The following MISFA variants were observed in gnomAD, a reference collection of about 807,000 sequenced individuals.
The protein encoded by MISFA is mitochondrial sheath formation-associated protein.
chr11:18,603,207 T>G, the MISFA span: 21 of 398,972 alleles, frequency 5.3e-5, no homozygotes, highest in East Asian at 7.5e-4. Flanking sequence ...TAAGTGTACC[T>G]TCAACTTTGT....
chr11:18,602,411 A>G, the MISFA span: 1 of 152,734 alleles, frequency 6.5e-6, no homozygotes, highest in East Asian at 1.9e-4. Context: ...ATTTCTGTGA[A>G]TGCATTAGCC....
chr11:18,600,811 C>T, the MISFA span, among the ~76,000 whole-genome samples: 19 of 152,232 alleles, frequency 1.2e-4, no homozygotes, highest in East Asian at 2.5e-3. Context: ...TGAGCCACTG[C>T]GCCCGGCCAG....
chr11:18,605,171 T>G, the MISFA span, among the ~76,000 whole-genome samples: 1 of 149,986 alleles, frequency 6.7e-6, no homozygotes, highest in East Asian at 2.0e-4. Context: ...ACCCGGGAGG[T>G]GGGGGTTACA....
At chr11:18,604,148 G>C in the MISFA span, among the ~76,000 whole-genome samples, 1 of 151,602 alleles carries the variant, frequency 6.6e-6, no homozygotes, top group African/African-American at 2.4e-5. Flanking sequence ...GGATGGTCTC[G>C]ATCTCCTGAC....
the MISFA span, chr11:18,608,310 A>G: frequency 6.6e-6 from 1 of 152,662 alleles, no homozygotes; most frequent in African/African-American, 2.4e-5. Flanking sequence ...CCTGGCTCAT[A>G]TGGTCCCATT....
the MISFA span, chr11:18,601,742 A>G: frequency 6.2e-4 from 239 of 387,586 alleles, no homozygotes; most frequent in Non-Finnish European, 6.8e-5. Context: ...CTTTTGGCAG[A>G]TACTGAAACT....
the MISFA span, among the ~76,000 whole-genome samples, chr11:18,600,747 C>T: frequency 4.2e-4 from 63 of 150,272 alleles, no homozygotes; most frequent in African/African-American, 1.5e-3. Context: ...GTCTAGATCT[C>T]CTAACTTCGT....
chr11:18,602,486 C>G, the MISFA span: 1 of 152,664 alleles, frequency 6.6e-6, no homozygotes, highest in Non-Finnish European at 1.5e-5. Context: ...GCCTCACTTT[C>G]TCCAGCTGCG....
the MISFA span, among the ~76,000 whole-genome samples, chr11:18,600,498 T>C: frequency 7.6e-6 from 1 of 131,602 alleles, no homozygotes; most frequent in East Asian, 2.6e-4. Flanking sequence ...CCACCACGCC[T>C]GGCTGGGGAC....
At chr11:18,600,619 C>T in the MISFA span, among the ~76,000 whole-genome samples, 3 of 143,016 alleles carry the variant, frequency 2.1e-5, no homozygotes, top group Non-Finnish European at 4.5e-5. Flanking sequence ...CTCCTGGGTT[C>T]ATGCCATTCT....
chr11:18,606,755 T>C, the MISFA span: 89 of 392,428 alleles, frequency 2.3e-4, no homozygotes, highest in South Asian at 1.2e-3. Flanking sequence ...TCCTGCTATA[T>C]CTCAGAAATT....
the MISFA span, chr11:18,601,181 G>T: frequency 2.5e-6 from 1 of 398,664 alleles, no homozygotes; most frequent in South Asian, 1.3e-4. Flanking sequence ...ATCTGCTGCA[G>T]TAAGTGGGTG....
chr11:18,602,939 G>GT, the MISFA span: 2 of 391,006 alleles, frequency 5.1e-6, no homozygotes, highest in Non-Finnish European at 9.0e-6. Flanking sequence ...TCTGAGCTCT[G>GT]CCCCCCTAAA....
At chr11:18,600,875 C>T in the MISFA span, among the ~76,000 whole-genome samples, 1 of 152,086 alleles carries the variant, frequency 6.6e-6, no homozygotes, top group Non-Finnish European at 1.5e-5. Flanking sequence ...TATAGCTGTA[C>T]TTGTTTCAAA....
chr11:18,603,555 TCTC>T, the MISFA span, among the ~76,000 whole-genome samples: 1 of 152,350 alleles, frequency 6.6e-6, no homozygotes, highest in East Asian at 1.9e-4. Flanking sequence ...CTCTTTTCTC[TCTC>T]CTCCTGCTAG....
At chr11:18,600,202 A>T in the MISFA span, among the ~76,000 whole-genome samples, 7,050 of 151,400 alleles carry the variant, frequency 0.047, 529 homozygotes, top group African/African-American at 0.16. Context: ...TTTTTTATTT[A>T]TTATTATTAT....
the MISFA span, among the ~76,000 whole-genome samples, chr11:18,600,621 T>C: frequency 2.1e-5 from 3 of 145,146 alleles, no homozygotes; most frequent in East Asian, 2.1e-4. Context: ...CCTGGGTTCA[T>C]GCCATTCTCC....
chr11:18,605,396 T>TA, the MISFA span, among the ~76,000 whole-genome samples: 131 of 152,356 alleles, frequency 8.6e-4, no homozygotes, highest in Non-Finnish European at 1.5e-3. Context: ...GGATGACTGA[T>TA]ACAGTTCCAG....
chr11:18,602,148 TA>T, the MISFA span: 1 of 152,194 alleles, frequency 6.6e-6, no homozygotes, highest in African/African-American at 2.4e-5. Flanking sequence ...CAGGAAACAC[TA>T]ATGGCAGTGC....
Sources: allele counts gnomAD v4.1 joint callset (sites outside exome capture counted in the v4.1 genomes callset), GRCh38; gene constraint gnomAD v4.1.1; transcripts MANE v1.5; gene names NCBI Gene and HGNC (gene_info 2026-07-23, HGNC 2026-07-21).